The following PLVAP variants were observed in gnomAD, a reference collection of about 807,000 sequenced individuals.
PLVAP encodes the protein plasmalemma vesicle-associated protein.
Under a neutral mutation model 43.1 loss-of-function variants are expected in PLVAP, and 34 were observed. The observed-to-expected ratio is 0.79, with a 90% CI of 0.60 to 1.05. The LOEUF (loss-of-function observed/expected upper bound fraction) is 1.05, where lower values mean the gene tolerates loss of function less well. Among genes scored for constraint, PLVAP ranks in the 50% least tolerant of loss-of-function variants. The pLI is 0.00. For synonymous variants in PLVAP, 241 were observed against 237.3 expected (o/e 1.02, Z -0.14); for missense variants, 574 against 593.4 (o/e 0.97, Z 0.34).
intron 5 of PLVAP, among the ~76,000 whole-genome samples, chr19:17,354,018 G>A (rs2074496367): frequency 2.0e-5 from 3 of 152,116 alleles, no homozygotes; most frequent in East Asian, 1.9e-4. Context: ...GGCCGGGCGC[G>A]GTGGCTCATG....
At chr19:17,353,190 C>T (rs968030172) in intron 5 of PLVAP, among the ~76,000 whole-genome samples, 17 of 152,202 alleles carry the variant, frequency 1.1e-4, no homozygotes, top group African/African-American at 4.1e-4. Context: ...GCCCGAGTGG[C>T]CTCACGTTCC....
Position 17,365,693 on chromosome 19 carries a change from A to G in PLVAP, c.772T>C (p.Tyr258His). ...RSLDNLGYNL[Y>H]HPLGSELASI... The stretch of plus-strand genomic sequence containing the variant: ...GCCAATTCCGAGCCCAGGGGATGGT[A>G]GAGGTTGTAACCCAGGTTGTCCAGG... Residue 258 changes from tyrosine to histidine, a missense_variant, in exon 3 of 6, where the codon TAC (tyrosine) becomes CAC (histidine). By Grantham distance (83) the Tyr-to-His change is moderately conservative. Coordinates refer to ENST00000252590, the MANE Select transcript of PLVAP (RefSeq NM_031310.3). 6.2e-7 allele frequency: 1 copy of G among 1,613,916 alleles called. No individual in the cohort carries two copies. Among genetic ancestry groups the G allele is most frequent in the Non-Finnish European group, 8.5e-7 (1 of 1,180,042 alleles).
At chr19:17,356,288 G>T (rs894135268) in intron 5 of PLVAP, among the ~76,000 whole-genome samples, 1 of 152,048 alleles carries the variant, frequency 6.6e-6, no homozygotes, top group Non-Finnish European at 1.5e-5. Flanking sequence ...CCAGCCCAGC[G>T]ACAGAGTGAG....
chr19:17,372,468 A>T (rs180911096), intron 1 of PLVAP, among the ~76,000 whole-genome samples: 3,808 of 149,114 alleles, frequency 0.026, 45 homozygotes, highest in Middle Eastern at 0.048. Flanking sequence ...TTATTTATTT[A>T]TTTTTTGAGA....
chr19:17,370,469 G>A (rs2074567902), intron 1 of PLVAP, among the ~76,000 whole-genome samples: 1 of 152,172 alleles, frequency 6.6e-6, no homozygotes, highest in Non-Finnish European at 1.5e-5. Context: ...AAAAAGGAAG[G>A]AAGCACTGAT....
At position 17,365,551 on chromosome 19, in the gene PLVAP, T is replaced by C. The variant is rs2074545633; in HGVS notation, c.914A>G (p.Gln305Arg). 1 of 1,612,016 alleles carries C rather than the reference T, an allele frequency of 6.2e-7. No individual in the cohort carries two copies. Among genetic ancestry groups the C allele is most frequent in the South Asian group, 1.1e-5 (1 of 91,084 alleles). ...CTGCTGGGCTTCCAGCTTCTGGCGT[T>C]GGAGGTCTGAGTTCTCGCGGGCCAC... is the stretch of plus-strand genomic sequence containing the variant. ...ERVARENSDL[Q>R]RQKLEAQQGL... Residue 305 changes from glutamine (Q) to arginine (R), a missense_variant, in exon 3 of 6, where the codon CAA (glutamine) becomes CGA (arginine). Transcript: ENST00000252590.
chr19:17,373,352 C>G (rs376517012), intron 1 of PLVAP, among the ~76,000 whole-genome samples: 12 of 151,334 alleles, frequency 7.9e-5, no homozygotes, highest in Non-Finnish European at 7.4e-5. Context: ...GGGCTCTGGG[C>G]GAGGGGTTGA....
rs145305682 is a variant in PLVAP, at chr19:17,355,457, G to A, written c.1323-3089C>T. ...AGCTCACTGCAGCCTTGAACTCCTC[G>A]GCTCAAGCAGTCCTCCTGCCTCAGC... On this transcript the variant is annotated intron_variant, in intron 5 of 5. Coordinates refer to ENST00000252590, the MANE Select transcript of PLVAP (RefSeq NM_031310.3). 4.4e-3 allele frequency among the ~76,000 whole-genome samples: 667 copies of A among 151,638 alleles called. 8 individuals are homozygous for A. The highest frequency in any genetic ancestry group is 0.015 in the African/African-American group (601 of 41,352).
intron 1 of PLVAP, among the ~76,000 whole-genome samples, chr19:17,367,410 CAG>C (rs909447669): frequency 2.7e-5 from 4 of 148,498 alleles, no homozygotes; most frequent in Non-Finnish European, 5.9e-5. Flanking sequence ...TTTCTTGAGA[CAG>C]AGTTTCGCTC....
intron 5 of PLVAP, among the ~76,000 whole-genome samples, chr19:17,358,727 T>A (rs988232726): frequency 4.6e-4 from 70 of 151,958 alleles, no homozygotes; most frequent in Non-Finnish European, 1.2e-4. Context: ...AGGCCCCTAG[T>A]CCCTTGCTCC....
intron 5 of PLVAP, among the ~76,000 whole-genome samples, chr19:17,357,507 A>C (rs1412978809): frequency 6.6e-6 from 1 of 151,970 alleles, no homozygotes; most frequent in Non-Finnish European, 1.5e-5. Flanking sequence ...CTACAAAAAA[A>C]TAACAATTTA....
At chr19:17,358,661 A>G (rs2074515929) in intron 5 of PLVAP, among the ~76,000 whole-genome samples, 4 of 152,206 alleles carry the variant, frequency 2.6e-5, no homozygotes, top group African/African-American at 9.6e-5. Flanking sequence ...GGCAGGGGGC[A>G]CAGGCAGCAA....
At chr19:17,359,581 T>C (rs963973868) in intron 5 of PLVAP, among the ~76,000 whole-genome samples, 2 of 151,872 alleles carry the variant, frequency 1.3e-5, no homozygotes, top group African/African-American at 2.4e-5. Flanking sequence ...ACTTTTTGTA[T>C]TTTTAGTAGA....
chr19:17,377,338 G>A lies in PLVAP; in HGVS notation c.-50C>T, dbSNP rs143692699. 1,450 of 1,433,188 alleles carry A rather than the reference G, an allele frequency of 1.0e-3. 15 individuals carry two copies. The African/African-American group carries it at 0.018, about 18-fold the overall frequency. 88.8% of individuals were successfully genotyped at this position (1,433,188 alleles called of 1,614,324 possible). A position where few individuals can be genotyped will look rare whatever the true frequency, so the allele number is the denominator to read the frequency against. ...ACCGTCCCTGCTCACCACCAGGCCTGCTCTGGCCCCCGCCTCGCAGGGGGG... is the reference window on the plus strand; with the variant it reads ...ACCGTCCCTGCTCACCACCAGGCCTACTCTGGCCCCCGCCTCGCAGGGGGG... On this transcript the variant is annotated 5_prime_UTR_variant, in exon 1 of 6. Transcript: ENST00000252590.
At position 17,365,950 on chromosome 19, in the gene PLVAP, A is replaced by C. The variant is rs778658837; in HGVS notation, c.515T>G (p.Ile172Arg). ...NQKVKTLEVE[I>R]AKEKTICTKD... ...AGTGCAAATGGTCTTCTCCTTGGCT[A>C]TCTCCACCTCCAGCGTCTTCACCTT... The change falls in exon 3 of 6, where the codon ATA (isoleucine) becomes AGA (arginine). Residue 172 changes from isoleucine to arginine, a missense_variant. Physicochemically the swap from Ile to Arg is moderately conservative, Grantham distance 97 (BLOSUM62 -3). Transcript: ENST00000252590. 3 of 1,613,782 alleles carry C rather than the reference A, an allele frequency of 1.9e-6. No homozygotes were observed. The highest frequency in any genetic ancestry group is 2.5e-6 in the Non-Finnish European group (3 of 1,179,988).
In PLVAP at chr19:17,360,914, CTTTTTTTT is replaced by C. The variant is rs71336607; in HGVS notation, c.1180-90_1180-83del. The stretch of plus-strand genomic sequence containing the variant: ...CTGCCTTTTCTTTTCTTTTCTTTTT[CTTTTTTTT>C]TTTTTTTTTGAGACGGAGTTTCGCT... On this transcript the variant is annotated intron_variant, in intron 3 of 5. Coordinates refer to ENST00000252590, the MANE Select transcript of PLVAP (RefSeq NM_031310.3). 1.4e-4 allele frequency: 131 copies of C among 904,632 alleles called. 3 individuals carry two copies. Among genetic ancestry groups the C allele is most frequent in the South Asian group, 2.4e-4 (13 of 55,038 alleles). The allele number at this position is 904,632 out of a possible 1,614,324, so 56.0% of individuals were successfully genotyped here.
At chr19:17,367,562 C>T (rs2074555432) in intron 1 of PLVAP, among the ~76,000 whole-genome samples, 2 of 151,834 alleles carry the variant, frequency 1.3e-5, no homozygotes, top group African/African-American at 4.8e-5. Flanking sequence ...CTAATCTTTG[C>T]ATTTTTAGTA....
intron 1 of PLVAP, among the ~76,000 whole-genome samples, chr19:17,374,152 C>A (rs1291917022): frequency 2.0e-5 from 3 of 151,888 alleles, no homozygotes; most frequent in South Asian, 2.1e-4. Flanking sequence ...CAGAGGGAGA[C>A]CCTGTCTCAA....
At chr19:17,366,061 A>G in intron 2 of PLVAP, 38 bp downstream of exon 2, 1 of 1,613,066 alleles carries the variant, frequency 6.2e-7, no homozygotes, top group Non-Finnish European at 8.5e-7. Flanking sequence ...CTGGGCAGGG[A>G]GTCCACCACC....
Sources: gnomAD v4.1 joint callset for allele counts (sites outside exome capture counted in the v4.1 genomes callset) on GRCh38, gnomAD v4.1.1 for gene constraint, MANE v1.5 for transcripts, NCBI Gene and HGNC (gene_info 2026-07-23, HGNC 2026-07-21) for gene names.